IDI2: variants seen among roughly 807,000 people sequenced by gnomAD.
IDI2 encodes isopentenyl-diphosphate delta isomerase 2.
A neutral mutation model predicts 14.8 loss-of-function variants in IDI2; 18 were observed. That is an observed-to-expected ratio of 1.22 (90% CI 0.84 to 1.80). The LOEUF is 1.80. IDI2 is among the 40% of genes most tolerant of loss of function. The pLI is 0.00. For missense variants in IDI2, 316 were observed against 283.2 expected, an observed-to-expected ratio of 1.12 and a Z score of -0.83; for synonymous variants, 133 against 109.6, an observed-to-expected ratio of 1.21 and a Z score of -1.33.
chr10:1,019,579 A>G lies in IDI2; in HGVS notation c.622T>C (p.Trp208Arg). The G allele has an allele frequency of 6.2e-7, 1 of 1,613,964 alleles. No individual in the cohort carries two copies. Among genetic ancestry groups the G allele is most frequent in the Non-Finnish European group, 8.5e-7 (1 of 1,179,996 alleles). ...RTIAERFLYRWWPHLDDVTPF... is the reference protein window; with the variant it reads ...RTIAERFLYRRWPHLDDVTPF... ...GTCACGTCATCCAGGTGAGGCCACCACCGGTACAGAAACCTCTCGGCAATG... is the reference window on the plus strand; with the variant it reads ...GTCACGTCATCCAGGTGAGGCCACCGCCGGTACAGAAACCTCTCGGCAATG... Residue 208 changes from tryptophan (W) to arginine (R), a missense_variant, in exon 5 of 5, where the codon TGG (tryptophan) becomes CGG (arginine). Coordinates refer to ENST00000277517, the MANE Select transcript of IDI2 (RefSeq NM_033261.3).
At position 1,020,657 on chromosome 10, in the gene IDI2, T is replaced by C. The variant is rs116453469; in HGVS notation, c.366+110A>G. ...TCCACAGCCCCATCCTTCATCCTCA[T>C]GGTGCTTCATGAGGTCAATGGTGTA... On this transcript the variant is annotated intron_variant, in intron 4 of 4. Coordinates refer to ENST00000277517, the MANE Select transcript of IDI2 (RefSeq NM_033261.3). 1.2e-3 allele frequency: 1,381 copies of C among 1,126,252 alleles called. 3 individuals are homozygous for C. The highest frequency in any genetic ancestry group is 1.6e-3 in the Non-Finnish European group (1,268 of 796,124). The allele number at this position is 1,126,252 out of a possible 1,614,324, so 69.8% of individuals were successfully genotyped here.
chr10:1,023,926 G>A lies in IDI2; in HGVS notation c.142+656C>T, dbSNP rs568058825. On this transcript the variant is annotated intron_variant, in intron 2 of 4. Coordinates refer to ENST00000277517, the MANE Select transcript of IDI2 (RefSeq NM_033261.3). ...ACATGGTGGTATCAAACTATCACAT[G>A]TACCCCATTAATATGCATAATTATT... Among the ~76,000 whole-genome samples the A allele has an allele frequency of 2.6e-5, 4 of 152,214 alleles. No individual in the cohort carries two copies. In the East Asian group the frequency reaches 5.8e-4, roughly 22 times the overall value.
rs79560770 is a variant in IDI2, at chr10:1,022,823, C to T, written c.143-48G>A. Reference sequence around the variant, plus strand: ...TGTGAGTGCATGCCTGGAGTCTGTACGATTGTCCTTCGTGCTTTTTGTCCT... The same window carrying T: ...TGTGAGTGCATGCCTGGAGTCTGTATGATTGTCCTTCGTGCTTTTTGTCCT... On this transcript the variant is annotated intron_variant, in intron 2 of 4. Coordinates refer to ENST00000277517, the MANE Select transcript of IDI2 (RefSeq NM_033261.3). The T allele has an allele frequency of 5.0e-4, 690 of 1,380,186 alleles. 4 individuals are homozygous for T. The African/African-American group carries it at 8.7e-3, about 17-fold the overall frequency. 85.5% of individuals were successfully genotyped at this position (1,380,186 alleles called of 1,614,324 possible). A position where few individuals can be genotyped will look rare whatever the true frequency, so the allele number is the denominator to read the frequency against.
At chr10:1,021,451 A>G (rs536353060) in intron 3 of IDI2, among the ~76,000 whole-genome samples, 134 of 152,158 alleles carry the variant, frequency 8.8e-4, no homozygotes, top group African/African-American at 2.8e-3. Flanking sequence ...GGGAGGTCAC[A>G]CTCTCCTCAG....
intron 3 of IDI2, among the ~76,000 whole-genome samples, chr10:1,021,334 A>G (rs753991184): frequency 3.3e-5 from 5 of 152,208 alleles, no homozygotes; most frequent in African/African-American, 4.8e-5. Flanking sequence ...GAGGGTGGTG[A>G]TCAGTGAGCA....
At position 1,019,244 on chromosome 10, in the gene IDI2, G is replaced by A. The variant is rs185457666; in HGVS notation, c.*273C>T. The A allele has an allele frequency of 3.5e-3, 1,248 of 357,386 alleles. 5 individuals are homozygous for A. The highest frequency in any genetic ancestry group is 3.8e-3 in the Non-Finnish European group (740 of 194,186). 22.1% of individuals were successfully genotyped at this position (357,386 alleles called of 1,614,324 possible). On this transcript the variant is annotated 3_prime_UTR_variant, in exon 5 of 5. Transcript: ENST00000277517. ...CCCAAGACTTTCAGGATCAGCTGCT[G>A]TTAATCAAACAAGTGCTTATAAAAT...
intron 2 of IDI2, 140 bp downstream of exon 2, chr10:1,024,442 A>G: frequency 1.1e-6 from 1 of 874,472 alleles, no homozygotes; most frequent in Admixed American, 2.7e-5. Context: ...CGAGCCTTCT[A>G]AAGACGGCAC....
rs1008201247 is a variant in IDI2, at chr10:1,019,568, G to C, written c.633C>G (p.His211Gln). The C allele has an allele frequency of 6.2e-7, 1 of 1,613,866 alleles. No homozygotes were observed. Among genetic ancestry groups the C allele is most frequent in the Non-Finnish European group, 8.5e-7 (1 of 1,179,958 alleles). The change falls in exon 5 of 5, where the codon CAC becomes CAG. Residue 211 changes from histidine (H) to glutamine (Q), a missense_variant. Physicochemically the swap from His to Gln is conservative, Grantham distance 24 (BLOSUM62 0). Coordinates refer to ENST00000277517, the MANE Select transcript of IDI2 (RefSeq NM_033261.3). ...AERFLYRWWPHLDDVTPFVEL... is the reference protein window; with the variant it reads ...AERFLYRWWPQLDDVTPFVEL... ...CCACAAACGGGGTCACGTCATCCAG[G>C]TGAGGCCACCACCGGTACAGAAACC...
chr10:1,023,856 G>A (rs1464935333), intron 2 of IDI2, among the ~76,000 whole-genome samples: 1 of 152,198 alleles, frequency 6.6e-6, no homozygotes, highest in East Asian at 1.9e-4. Context: ...ATGAATGTTT[G>A]AGGTGATGGA....
chr10:1,024,551 G>C (rs1230839991), intron 2 of IDI2, 31 bp downstream of exon 2: 2 of 1,612,414 alleles, frequency 1.2e-6, no homozygotes, highest in African/African-American at 1.3e-5. Flanking sequence ...AAAACCCTGG[G>C]AACTGGACAG....
chr10:1,022,789 T>A lies in IDI2; in HGVS notation c.143-14A>T, dbSNP rs370346554. The A allele has an allele frequency of 1.1e-4, 173 of 1,602,164 alleles. No homozygotes were observed. The African/African-American group carries it at 1.3e-3, about 12-fold the overall frequency. ...GGTGCAGCAGCCCTGCAAAGGTAAGTGCCATTTGTGTGAGTGCATGCCTGG... is the reference window on the plus strand; with the variant it reads ...GGTGCAGCAGCCCTGCAAAGGTAAGAGCCATTTGTGTGAGTGCATGCCTGG... On this transcript the variant is annotated splice_polypyrimidine_tract_variant and intron_variant, in intron 2 of 4. Coordinates refer to ENST00000277517, the MANE Select transcript of IDI2 (RefSeq NM_033261.3).
At chr10:1,021,255 G>A (rs545430425) in intron 3 of IDI2, among the ~76,000 whole-genome samples, 43 of 152,348 alleles carry the variant, frequency 2.8e-4, no homozygotes, top group Non-Finnish European at 4.7e-4. Context: ...ATGGGGTGGC[G>A]GGAGGAGGTG....
chr10:1,023,260 G>T (rs113274589), intron 2 of IDI2, among the ~76,000 whole-genome samples: 2 of 152,114 alleles, frequency 1.3e-5, no homozygotes, highest in African/African-American at 4.8e-5. Flanking sequence ...CGGATCACGA[G>T]GTCAGAAGAT....
At chr10:1,022,174 G>C (rs1832118694) in intron 3 of IDI2, among the ~76,000 whole-genome samples, 1 of 151,922 alleles carries the variant, frequency 6.6e-6, no homozygotes, top group Admixed American at 6.6e-5. Context: ...CAGGACAATG[G>C]CGTGAACCCA....
chr10:1,025,217 G>A (rs1832195129), intron 1 of IDI2, among the ~76,000 whole-genome samples: 1 of 152,146 alleles, frequency 6.6e-6, no homozygotes, highest in Non-Finnish European at 1.5e-5. Context: ...TCAGAGCCAA[G>A]CAGATTCTTA....
At chr10:1,022,545 G>A (rs1452738040) in intron 3 of IDI2, 138 bp downstream of exon 3, 4 of 677,838 alleles carry the variant, frequency 5.9e-6, no homozygotes, top group Middle Eastern at 3.2e-4. Flanking sequence ...ATCTGCCTAA[G>A]CTGCCGATTT....
chr10:1,020,695 A>G (rs917674193), intron 4 of IDI2, 72 bp downstream of exon 4: 44 of 1,283,074 alleles, frequency 3.4e-5, no homozygotes, highest in Non-Finnish European at 4.3e-5. Context: ...TCCAGCCTGG[A>G]CTTTGTTCAC....
intron 4 of IDI2, among the ~76,000 whole-genome samples, chr10:1,020,118 C>T (rs141372277): frequency 1.4e-3 from 213 of 152,338 alleles, no homozygotes; most frequent in African/African-American, 5.0e-3. Context: ...TAGAAACCGG[C>T]TAGCGTTGTC....
At chr10:1,022,540 C>T (rs765407345) in intron 3 of IDI2, 143 bp downstream of exon 3, 1 of 663,794 alleles carries the variant, frequency 1.5e-6, no homozygotes, top group Non-Finnish European at 2.8e-6. Flanking sequence ...TTAGCATCTG[C>T]CTAAGCTGCC....
Sources: allele counts gnomAD v4.1 joint callset (sites outside exome capture counted in the v4.1 genomes callset), GRCh38; gene constraint gnomAD v4.1.1; transcripts MANE v1.5; gene names NCBI Gene and HGNC (gene_info 2026-07-23, HGNC 2026-07-21).